The following UGT8 variants were observed in gnomAD, a reference collection of about 807,000 sequenced individuals.
The protein encoded by UGT8 is 2-hydroxyacylsphingosine 1-beta-galactosyltransferase.
A neutral mutation model predicts 40.5 loss-of-function variants in UGT8; 12 were observed. The ratio of observed to expected loss-of-function variants is 0.30; its 90% CI spans 0.19 to 0.48. The LOEUF (loss-of-function observed/expected upper bound fraction) is 0.48. Ranked by LOEUF, UGT8 falls within the 20% of genes least tolerant of loss-of-function variation. UGT8 has a pLI of 0.99. For synonymous variants in UGT8, 224 were observed against 240.4 expected (o/e 0.93, Z 0.63); for missense variants, 513 against 648.7 (o/e 0.79, Z 2.27).
At chr4:114,664,393 A>T (rs946154535) in intron 3 of UGT8, among the ~76,000 whole-genome samples, 1 of 152,230 alleles carries the variant, frequency 6.6e-6, no homozygotes, top group African/African-American at 2.4e-5. Flanking sequence ...TGTCAGATGC[A>T]TACTTACATT....
rs772318028 is a variant in UGT8, at chr4:114,676,049, G to A, written c.1387G>A (p.Ala463Thr). ...CAATGGAGCCCATCACCTACGTGCC[G>A]CTGTCCATCAGATCTCCTTTTGTCA... The part of the protein sequence containing the change: ...RHNGAHHLRA[A>T]VHQISFCQYF... The change falls in exon 6 of 6, where the codon GCT becomes ACT. Residue 463 changes from alanine (A) to threonine (T), a missense_variant. By Grantham distance (58) the Ala-to-Thr change is moderately conservative (BLOSUM62 0). Around this residue, in one of 3 missense-constraint regions of UGT8, gnomAD observed 175 missense variants for 186.7 expected, o/e 0.94. Coordinates refer to ENST00000310836, the MANE Select transcript of UGT8 (RefSeq NM_001128174.3). 4.2e-5 allele frequency: 68 copies of A among 1,614,024 alleles called. No individual in the cohort carries two copies. Among genetic ancestry groups the A allele is most frequent in the Non-Finnish European group, 5.3e-5 (62 of 1,180,032 alleles).
intron 1 of UGT8, among the ~76,000 whole-genome samples, chr4:114,603,271 T>C (rs184714597): frequency 3.3e-5 from 5 of 152,268 alleles, no homozygotes; most frequent in Admixed American, 3.3e-4. Context: ...CAGTGAATCA[T>C]TGTATGTGAG....
At chr4:114,645,380 G>A (rs751835326) in intron 2 of UGT8, among the ~76,000 whole-genome samples, 1 of 152,054 alleles carries the variant, frequency 6.6e-6, no homozygotes, top group Non-Finnish European at 1.5e-5. Context: ...TTCCTTATCA[G>A]GTAAGAGAAG....
chr4:114,653,826 T>C (rs1015045405), intron 2 of UGT8, among the ~76,000 whole-genome samples: 5 of 152,066 alleles, frequency 3.3e-5, no homozygotes, highest in African/African-American at 9.7e-5. Flanking sequence ...AATGTGCTGT[T>C]AATGAAGCTC....
intron 3 of UGT8, 43 bp from the exon 4 acceptor site, chr4:114,665,637 A>C: frequency 6.6e-7 from 1 of 1,522,782 alleles, no homozygotes; most frequent in East Asian, 2.4e-5. Context: ...ACTATGAGTA[A>C]GGTTTGATTT....
chr4:114,628,297 G>A (rs972825634), intron 2 of UGT8, among the ~76,000 whole-genome samples: 1 of 151,886 alleles, frequency 6.6e-6, no homozygotes, highest in Non-Finnish European at 1.5e-5. Context: ...ATGTCACCAC[G>A]CCTAGTTAAT....
intron 2 of UGT8, 83 bp from the exon 3 acceptor site, chr4:114,663,912 T>G (rs1287339598): frequency 6.5e-7 from 1 of 1,540,882 alleles, no homozygotes; most frequent in African/African-American, 1.4e-5. Flanking sequence ...CTTAAAAGGT[T>G]TTTTTTTAAC....
chr4:114,627,916 G>C (rs1017303354), intron 2 of UGT8, among the ~76,000 whole-genome samples: 1 of 152,096 alleles, frequency 6.6e-6, no homozygotes, highest in Non-Finnish European at 1.5e-5. Flanking sequence ...TACCTCAAAA[G>C]GTTGATACTC....
chr4:114,661,479 T>A (rs754914475), intron 2 of UGT8, among the ~76,000 whole-genome samples: 1 of 152,192 alleles, frequency 6.6e-6, no homozygotes, highest in Non-Finnish European at 1.5e-5. Flanking sequence ...ATTTCAAAGT[T>A]TTGCCGTGAG....
intron 2 of UGT8, among the ~76,000 whole-genome samples, chr4:114,630,349 G>A (rs1732490600): frequency 6.6e-6 from 1 of 152,178 alleles, no homozygotes; most frequent in Admixed American, 6.5e-5. Flanking sequence ...ATTAAAATGA[G>A]GATAGCATGT....
intron 1 of UGT8, among the ~76,000 whole-genome samples, chr4:114,604,078 G>C (rs544238009): frequency 6.6e-6 from 1 of 152,182 alleles, no homozygotes; most frequent in Non-Finnish European, 1.5e-5. Flanking sequence ...CCTCAAGAGC[G>C]TTGCAGAGAT....
At chr4:114,603,626 G>T (rs1578396109) in intron 1 of UGT8, among the ~76,000 whole-genome samples, 1 of 152,204 alleles carries the variant, frequency 6.6e-6, no homozygotes, top group East Asian at 1.9e-4. Flanking sequence ...AAATGAGGGG[G>T]TGTTAGACAG....
intron 2 of UGT8, among the ~76,000 whole-genome samples, chr4:114,631,685 C>G (rs1732586989): frequency 6.6e-6 from 1 of 152,142 alleles, no homozygotes; most frequent in South Asian, 2.1e-4. Flanking sequence ...TACTGTTGGT[C>G]AGATGACCAG....
At chr4:114,625,201 T>G (rs556632764) in intron 2 of UGT8, among the ~76,000 whole-genome samples, 10 of 152,160 alleles carry the variant, frequency 6.6e-5, no homozygotes, top group Admixed American at 3.9e-4. Context: ...TTCAGTCACT[T>G]GATTGAAGAA....
intron 2 of UGT8, among the ~76,000 whole-genome samples, chr4:114,645,732 A>T (rs1055223905): frequency 6.6e-6 from 1 of 152,174 alleles, no homozygotes; most frequent in Admixed American, 6.5e-5. Context: ...CTGGGAAAAG[A>T]CAATTTCACA....
intron 2 of UGT8, chr4:114,656,730 A>T (rs770081241): frequency 4.0e-6 from 2 of 494,460 alleles, no homozygotes; most frequent in Non-Finnish European, 8.3e-6. Context: ...CTGAGGGGGA[A>T]GTTTCAGGCA....
Position 114,676,142 on chromosome 4 carries a change from T to G in UGT8, c.1480T>G (p.Trp494Gly), listed in dbSNP as rs577333010. ...TGCCTTGTTATACTTTCTCTTGTCT[T>G]GGGTGACAAAATTTATCTACAGAAA... ...GAALLYFLLS[W>G]VTKFIYRKIK... Residue 494 changes from tryptophan to glycine, a missense_variant, in exon 6 of 6, where the codon TGG (tryptophan) becomes GGG (glycine). This residue lies in a region of UGT8 where 175 missense variants were observed against 186.7 expected (regional missense o/e 0.94). Transcript: ENST00000310836. The G allele has an allele frequency of 5.6e-6, 9 of 1,614,216 alleles. No homozygotes were observed. Among genetic ancestry groups the G allele is most frequent in the Non-Finnish European group, 7.6e-6 (9 of 1,180,028 alleles).
intron 1 of UGT8, among the ~76,000 whole-genome samples, chr4:114,601,051 ACTT>A (rs1730414078): frequency 6.6e-6 from 1 of 152,188 alleles, no homozygotes. Context: ...CAGAAACTAT[ACTT>A]CTGACTTTTT....
intron 1 of UGT8, 123 bp from the exon 2 acceptor site, chr4:114,622,756 A>G: frequency 1.3e-6 from 1 of 754,556 alleles, no homozygotes; most frequent in Non-Finnish European, 1.9e-6. Flanking sequence ...GTGTCTGTTC[A>G]TGATTTTTTT....
Sources: gnomAD v4.1 joint callset for allele counts (sites outside exome capture counted in the v4.1 genomes callset) on GRCh38, gnomAD v4.1.1 for gene constraint, gnomAD v4.1.1 regional missense constraint, MANE v1.5 for transcripts, NCBI Gene and HGNC (gene_info 2026-07-23, HGNC 2026-07-21) for gene names.